Variants in TENM2 observed in about 807,000 individuals in gnomAD.
TENM2 encodes teneurin transmembrane protein 2, also known as teneurin-2.
In TENM2, 52 loss-of-function variants were observed where a neutral mutation model predicts 245.2. That is an observed-to-expected ratio of 0.21 (90% CI 0.17 to 0.27). The LOEUF is 0.27. Ranked by LOEUF, TENM2 falls within the 10% of genes least tolerant of loss-of-function variation. The pLI is 1.00. For missense variants in TENM2, 3,046 were observed against 3,666.8 expected (o/e 0.83, Z 4.37); for synonymous variants, 1,363 against 1,438.9 (o/e 0.95, Z 1.19).
At chr5:167,123,649 T>C in the TENM2 span, among the ~76,000 whole-genome samples, 6 of 152,214 alleles carry the variant, frequency 3.9e-5, no homozygotes, top group African/African-American at 1.4e-4. Context: ...CCTCATATTC[T>C]ACTTTAAAAA....
At chr5:167,064,740 G>A in the TENM2 span, among the ~76,000 whole-genome samples, 1 of 152,102 alleles carries the variant, frequency 6.6e-6, no homozygotes, top group East Asian at 1.9e-4. Flanking sequence ...GAAAATTAAA[G>A]GATTTGTTTT....
intron 2 of TENM2, among the ~76,000 whole-genome samples, chr5:167,597,164 TC>T (rs11314961): frequency 0.065 from 3,512 of 53,754 alleles, 78 homozygotes; most frequent in South Asian, 0.19. Flanking sequence ...TCTTTTCTTT[TC>T]TTTTTTTTTT....
rs554714855 is a variant in TENM2 at position 167,336,394 on chromosome 5, TG to T, written c.227-38802del. 2.6e-3 allele frequency among the ~76,000 whole-genome samples: 401 copies of T among 151,426 alleles called. 2 individuals are homozygous for T. Among genetic ancestry groups the T allele is most frequent in the African/African-American group, 9.3e-3 (386 of 41,308 alleles). ...GATAAAAAGGCATCTCTGGTTCCTG[TG>T]GTTTTTTTTTTTTCTTTGCTTTTGT... On this transcript the variant is annotated intron_variant, in intron 1 of 28. Transcript: ENST00000518659.
rs188415807 is a variant in TENM2 at position 168,005,020 on chromosome 5, T to C, written c.1186+11838T>C. ...GGTAAAGGTGCTGCCTAAGGTCTCA[T>C]GAACTCTGCCATGTCTGGGAGAAAG... On this transcript the variant is annotated intron_variant, in intron 5 of 28. Transcript: ENST00000518659. Among the ~76,000 whole-genome samples, 395 of 152,302 alleles carry C rather than the reference T, an allele frequency of 2.6e-3. 1 individual carries two copies. Among genetic ancestry groups the C allele is most frequent in the African/African-American group, 9.2e-3 (384 of 41,566 alleles).
intron 1 of TENM2, among the ~76,000 whole-genome samples, chr5:167,361,524 A>C (rs867403938): frequency 3.3e-5 from 5 of 152,210 alleles, no homozygotes; most frequent in Non-Finnish European, 5.9e-5. Context: ...TATTTCTAAT[A>C]ATTCTCTACT....
Position 167,839,967 on chromosome 5 carries a change from G to A in TENM2, c.503-36019G>A, listed in dbSNP as rs771609146. On this transcript the variant is annotated intron_variant, in intron 2 of 28. Transcript: ENST00000518659. Reference sequence around the variant, plus strand: ...CAAGTAGCTGGGATTACAGGCATGCGCCACCACGCCCTGCTAAATTTTTTT... The same window carrying A: ...CAAGTAGCTGGGATTACAGGCATGCACCACCACGCCCTGCTAAATTTTTTT... Among the ~76,000 whole-genome samples, 261 of 152,256 alleles carry A rather than the reference G, an allele frequency of 1.7e-3. 1 individual carries two copies. The highest frequency in any genetic ancestry group is 5.9e-3 in the African/African-American group (246 of 41,536).
chr5:167,123,329 AAAAATAAACAAAC>A, the TENM2 span, among the ~76,000 whole-genome samples: 1 of 152,200 alleles, frequency 6.6e-6, no homozygotes, highest in African/African-American at 2.4e-5. Context: ...CTCTGTCTCA[AAAAATAAACAAAC>A]AAAAGAAAAC....
chr5:167,265,687 T>C, the TENM2 span, among the ~76,000 whole-genome samples: 1 of 152,186 alleles, frequency 6.6e-6, no homozygotes, highest in African/African-American at 2.4e-5. Flanking sequence ...TATTGCTGCG[T>C]TATTGTCTTC....
At chr5:167,118,311 G>A in the TENM2 span, among the ~76,000 whole-genome samples, 1 of 152,148 alleles carries the variant, frequency 6.6e-6, no homozygotes, top group African/African-American at 2.4e-5. Context: ...CTTAGAGACG[G>A]ACTTAGAGAT....
chr5:167,336,176 CT>C lies in TENM2; in HGVS notation c.227-38998del, dbSNP rs35059289. 8.9e-3 allele frequency among the ~76,000 whole-genome samples: 738 copies of C among 83,094 alleles called. 3 individuals are homozygous for C. The highest frequency in any genetic ancestry group is 0.023 in the African/African-American group (520 of 22,274). The allele number at this position is 83,094 out of a possible 152,430, so 54.5% of individuals were successfully genotyped here. A position where few individuals can be genotyped will look rare whatever the true frequency, so the allele number is the denominator to read the frequency against. ...TCATCCAATGTTCTTTTCATTTCTC[CT>C]TTTTTTTTTTTTTTTTTTTTTTTCC... On this transcript the variant is annotated intron_variant, in intron 1 of 28. Coordinates refer to ENST00000518659, the Ensembl canonical transcript of TENM2.
intron 2 of TENM2, among the ~76,000 whole-genome samples, chr5:167,551,435 T>A (rs181597173): frequency 1.3e-5 from 2 of 152,304 alleles, no homozygotes; most frequent in East Asian, 3.9e-4. Flanking sequence ...ATCTATCCAT[T>A]CATCCATCTA....
chr5:167,777,869 G>A (rs764457596), intron 2 of TENM2, among the ~76,000 whole-genome samples: 2 of 152,190 alleles, frequency 1.3e-5, no homozygotes, highest in Non-Finnish European at 2.9e-5. Flanking sequence ...AACAGCATGT[G>A]TGTGCTTGTC....
intron 2 of TENM2, among the ~76,000 whole-genome samples, chr5:167,388,242 G>A (rs962323832): frequency 6.6e-6 from 1 of 152,050 alleles, no homozygotes; most frequent in African/African-American, 2.4e-5. Context: ...TTTAAGCTAG[G>A]AAGGTTGTAC....
At chr5:167,129,249 G>A in the TENM2 span, among the ~76,000 whole-genome samples, 1 of 152,172 alleles carries the variant, frequency 6.6e-6, no homozygotes, top group African/African-American at 2.4e-5. Flanking sequence ...AGGCCGGGCA[G>A]ACTGGTCTGG....
At chr5:167,899,352 G>T (rs1342578017) in intron 3 of TENM2, among the ~76,000 whole-genome samples, 1 of 152,186 alleles carries the variant, frequency 6.6e-6, no homozygotes, top group Non-Finnish European at 1.5e-5. Context: ...CCAAAGACAG[G>T]CAAGGAGGGT....
At chr5:167,510,734 G>T (rs1485691402) in intron 2 of TENM2, among the ~76,000 whole-genome samples, 1 of 151,954 alleles carries the variant, frequency 6.6e-6, no homozygotes, top group African/African-American at 2.4e-5. Flanking sequence ...TTAGTTTTTT[G>T]TTGTTGTTTG....
At chr5:167,713,222 C>G (rs184481011) in intron 2 of TENM2, among the ~76,000 whole-genome samples, 97 of 151,922 alleles carry the variant, frequency 6.4e-4, no homozygotes, top group Admixed American at 6.2e-3. Context: ...TTTCCTACCC[C>G]CTACGAAGAT....
At chr5:167,763,813 C>T (rs576951073) in intron 2 of TENM2, among the ~76,000 whole-genome samples, 8 of 152,276 alleles carry the variant, frequency 5.3e-5, no homozygotes, top group African/African-American at 1.9e-4. Context: ...GGCTCTCCAA[C>T]TTGTTGAGCT....
intron 2 of TENM2, among the ~76,000 whole-genome samples, chr5:167,826,778 T>C (rs888167618): frequency 6.6e-6 from 1 of 152,212 alleles, no homozygotes; most frequent in South Asian, 2.1e-4. Context: ...TAAAGGCGGA[T>C]AGTCAAGGTA....
Sources: gnomAD v4.1 joint callset for allele counts (sites outside exome capture counted in the v4.1 genomes callset) on GRCh38, gnomAD v4.1.1 for gene constraint, MANE v1.5 for transcripts, NCBI Gene and HGNC (gene_info 2026-07-23, HGNC 2026-07-21) for gene names.